The following CERS3 variants were observed in gnomAD, a reference collection of about 807,000 sequenced individuals.
CERS3 encodes LAG1 homolog, ceramide synthase 3.
In CERS3, 33 loss-of-function variants were observed where a neutral mutation model predicts 50.3. The observed-to-expected ratio is 0.66, with a 90% confidence interval of 0.50 to 0.88. The LOEUF (loss-of-function observed/expected upper bound fraction) is 0.88, where lower values mean the gene tolerates loss of function less well. Ranked by LOEUF, CERS3 falls within the 40% of genes least tolerant of loss-of-function variation. The pLI, the probability that CERS3 is intolerant of heterozygous loss-of-function variation, is 0.00. For missense variants in CERS3, 470 were observed against 460.3 expected, an observed-to-expected ratio of 1.02 and a Z score of -0.19; for synonymous variants, 176 against 155.2, an observed-to-expected ratio of 1.13 and a Z score of -0.99.
At chr15:100,440,220 T>C (rs1470305334) in intron 11 of CERS3, among the ~76,000 whole-genome samples, 1 of 152,204 alleles carries the variant, frequency 6.6e-6, no homozygotes, top group Non-Finnish European at 1.5e-5. Context: ...TTGTCTCAGT[T>C]ACTTCGACTT....
At chr15:100,434,276 T>C (rs2033287395) in intron 11 of CERS3, among the ~76,000 whole-genome samples, 1 of 152,218 alleles carries the variant, frequency 6.6e-6, no homozygotes, top group Admixed American at 6.5e-5. Flanking sequence ...GAAGAGTGCG[T>C]GCCCAGGACT....
Position 100,479,562 on chromosome 15 carries a change from C to G in CERS3, c.466-84G>C, listed in dbSNP as rs559151386. 53 of 995,544 alleles carry G rather than the reference C, an allele frequency of 5.3e-5. 1 individual carries two copies. The African/African-American group carries it at 7.0e-4, about 13-fold the overall frequency. The allele number at this position is 995,544 out of a possible 1,614,324, so 61.7% of individuals were successfully genotyped here. ...GGTCAATTTTGGCAGAAAACCTAAG[C>G]TCTTCCTTATGTCATTTACAGCAGG... On this transcript the variant is annotated intron_variant, in intron 6 of 11. Coordinates refer to ENST00000679737, the MANE Select transcript of CERS3 (RefSeq NM_001378789.1).
intron 10 of CERS3, among the ~76,000 whole-genome samples, chr15:100,459,630 C>T (rs144498250): frequency 2.0e-4 from 30 of 152,272 alleles, no homozygotes; most frequent in Admixed American, 3.3e-4. Flanking sequence ...TGATTATCCA[C>T]TTAGAATAGC....
intron 3 of CERS3, among the ~76,000 whole-genome samples, chr15:100,494,037 T>C (rs2035730529): frequency 6.6e-6 from 1 of 151,772 alleles, no homozygotes; most frequent in Admixed American, 6.6e-5. Flanking sequence ...TTCCTGTGTA[T>C]AGTGCATAAT....
At chr15:100,480,822 CTG>C in intron 5 of CERS3, among the ~76,000 whole-genome samples, 1 of 152,254 alleles carries the variant, frequency 6.6e-6, no homozygotes, top group Admixed American at 6.5e-5. Context: ...ATAACAGTGT[CTG>C]ATATTTGCTT....
At chr15:100,511,135 A>C (rs150695620) in intron 2 of CERS3, among the ~76,000 whole-genome samples, 9 of 152,218 alleles carry the variant, frequency 5.9e-5, no homozygotes, top group African/African-American at 2.2e-4. Context: ...CTAAAAATAC[A>C]AAAATTACCC....
chr15:100,501,662 A>G lies in CERS3; in HGVS notation c.173+15T>C. 6.2e-7 allele frequency: 1 copy of G among 1,600,056 alleles called. No individual in the cohort carries two copies. The highest frequency in any genetic ancestry group is 8.6e-7 in the Non-Finnish European group (1 of 1,167,334). ...AAGAGGGGGAATGGGAAGGAAAGAC[A>G]CAAGTACTACTTACTTTTCAAATAC... On this transcript the variant is annotated intron_variant, in intron 3 of 11. Coordinates refer to ENST00000679737, the MANE Select transcript of CERS3 (RefSeq NM_001378789.1).
chr15:100,491,002 GCT>G, intron 3 of CERS3, 71 bp from the exon 4 acceptor site: 1 of 903,968 alleles, frequency 1.1e-6, no homozygotes, highest in Non-Finnish European at 1.7e-6. Flanking sequence ...GAAAATTAAA[GCT>G]GTAACTTCAG....
intron 5 of CERS3, among the ~76,000 whole-genome samples, chr15:100,482,252 G>C (rs765747198): frequency 5.3e-5 from 8 of 152,276 alleles, no homozygotes; most frequent in African/African-American, 9.6e-5. Flanking sequence ...ATAAACGTGG[G>C]GGGAGAGAAA....
At chr15:100,512,036 C>T (rs12909892) in intron 2 of CERS3, among the ~76,000 whole-genome samples, 63 of 1,888 alleles carry the variant, frequency 0.033, 5 homozygotes, top group East Asian at 0.058. Flanking sequence ...TCCATTAATG[C>T]TCTGTTACAT....
At chr15:100,426,186 A>T (rs1394282811) in intron 11 of CERS3, 1 of 152,230 alleles carries the variant, frequency 6.6e-6, no homozygotes, top group African/African-American at 2.4e-5. Context: ...CAATTAATAA[A>T]CTAAATGTTG....
At chr15:100,436,322 G>A (rs1268314648) in intron 11 of CERS3, among the ~76,000 whole-genome samples, 3 of 152,190 alleles carry the variant, frequency 2.0e-5, no homozygotes, top group Non-Finnish European at 4.4e-5. Context: ...GTCCTTTGCA[G>A]GAACGTGGAT....
Position 100,457,689 on chromosome 15 carries a change from G to T in CERS3, c.846-1643C>A, listed in dbSNP as rs2034421124. Reference sequence around the variant, plus strand: ...GATTTTTCAAGGGTAAGTATATAGGGGTAGAATTGTGTGCCATCTGGTAAA... The same window carrying T: ...GATTTTTCAAGGGTAAGTATATAGGTGTAGAATTGTGTGCCATCTGGTAAA... On this transcript the variant is annotated intron_variant, in intron 10 of 11. Transcript: ENST00000679737. Among the ~76,000 whole-genome samples the T allele has an allele frequency of 2.0e-5, 3 of 152,118 alleles. No individual in the cohort carries two copies. The South Asian group carries it at 6.2e-4, about 32-fold the overall frequency.
Position 100,433,105 on chromosome 15 carries a change from G to A in CERS3, c.999+22788C>T, listed in dbSNP as rs529596621. Among the ~76,000 whole-genome samples the A allele has an allele frequency of 1.3e-4, 19 of 151,994 alleles. No individual in the cohort carries two copies. In the South Asian group the frequency reaches 4.0e-3, roughly 32 times the overall value. On this transcript the variant is annotated intron_variant, in intron 11 of 11. Coordinates refer to ENST00000679737, the MANE Select transcript of CERS3 (RefSeq NM_001378789.1). ...CAAAGAATCAGCCAGGTGTGGTGGC[G>A]GGTACCTGTAGTCCCAGCTGCTCAG...
chr15:100,510,980 T>G (rs529071906), intron 2 of CERS3, among the ~76,000 whole-genome samples: 1 of 152,206 alleles, frequency 6.6e-6, no homozygotes, highest in African/African-American at 2.4e-5. Flanking sequence ...ACATGGAGAC[T>G]TCTGCTCATC....
chr15:100,402,963 G>A (rs2030673938), intron 11 of CERS3, 98 bp from the exon 12 acceptor site: 1 of 1,223,332 alleles, frequency 8.2e-7, no homozygotes, highest in Admixed American at 2.5e-5. Flanking sequence ...TCCCTTTAAG[G>A]AAAACCCAAT....
Position 100,412,821 on chromosome 15 carries a change from T to C in CERS3, c.1000-9956A>G, listed in dbSNP as rs116089820. ...AAGAGATGATTTCATTTTGTAAAAA[T>C]CTGTGGCTTTTAAAATTAGCTTTTA... On this transcript the variant is annotated intron_variant, in intron 11 of 11. Transcript: ENST00000679737. 9.6e-3 allele frequency among the ~76,000 whole-genome samples: 1,462 copies of C among 152,304 alleles called. 26 individuals carry two copies. Among genetic ancestry groups the C allele is most frequent in the African/African-American group, 0.033 (1,370 of 41,570 alleles).
At chr15:100,422,966 C>T (rs978781700) in intron 11 of CERS3, among the ~76,000 whole-genome samples, 2 of 149,718 alleles carry the variant, frequency 1.3e-5, no homozygotes, top group Admixed American at 6.7e-5. Flanking sequence ...GGGATAGTAT[C>T]CGGAGATATA....
At chr15:100,501,905 T>A in intron 2 of CERS3, 55 bp from the exon 3 acceptor site, 1 of 1,571,940 alleles carries the variant, frequency 6.4e-7, no homozygotes, top group African/African-American at 1.4e-5. Context: ...AACTTTAGGA[T>A]AACATTGATC....
Sources: allele counts gnomAD v4.1 joint callset (sites outside exome capture counted in the v4.1 genomes callset), GRCh38; gene constraint gnomAD v4.1.1; transcripts MANE v1.5; gene names NCBI Gene and HGNC (gene_info 2026-07-23, HGNC 2026-07-21).